The following MED12L variants were observed in gnomAD, a reference collection of about 807,000 sequenced individuals.
MED12L encodes mediator complex subunit 12L.
A neutral mutation model predicts 281.3 loss-of-function variants in MED12L; 60 were observed. The observed-to-expected ratio is 0.21, with a 90% CI of 0.17 to 0.26. The LOEUF is 0.26. Ranked by LOEUF, MED12L falls within the 10% of genes least tolerant of loss-of-function variation. The pLI, the probability that MED12L is intolerant of heterozygous loss-of-function variation, is 1.00. For missense variants in MED12L, 2,146 were observed against 2,680.9 expected (o/e 0.80, Z 4.41); for synonymous variants, 974 against 987.2 (o/e 0.99, Z 0.25).
intron 11 of MED12L, 150 bp downstream of exon 11, chr3:151,166,132 A>G (rs974134401): frequency 3.3e-6 from 2 of 614,204 alleles, no homozygotes; most frequent in Non-Finnish European, 5.3e-6. Flanking sequence ...TTGTTGGACT[A>G]AGATTACCTA....
At chr3:151,294,012 G>T (rs1744695200) in intron 16 of MED12L, 1 of 619,378 alleles carries the variant, frequency 1.6e-6, no homozygotes, top group Non-Finnish European at 2.9e-6. Context: ...TTATCTCTTT[G>T]CTATGCTTTA....
At chr3:151,111,450 G>T (rs1401590885) in intron 2 of MED12L, among the ~76,000 whole-genome samples, 1 of 152,134 alleles carries the variant, frequency 6.6e-6, no homozygotes, top group Non-Finnish European at 1.5e-5. Flanking sequence ...GCACAGCAAT[G>T]GTCCCAGAGC....
At chr3:151,093,948 C>A (rs573884008) in intron 2 of MED12L, among the ~76,000 whole-genome samples, 68 of 152,118 alleles carry the variant, frequency 4.5e-4, no homozygotes, top group Non-Finnish European at 7.5e-4. Flanking sequence ...GAAATGTGAT[C>A]CTTTAGGAGG....
intron 13 of MED12L, 121 bp from the exon 14 acceptor site, chr3:151,190,596 T>A (rs1193284247): frequency 1.1e-5 from 10 of 896,138 alleles, no homozygotes; most frequent in East Asian, 7.9e-5. Flanking sequence ...AATCTTCCAA[T>A]AGATCTTTTT....
intron 2 of MED12L, among the ~76,000 whole-genome samples, chr3:151,112,425 G>A (rs1290291062): frequency 6.6e-6 from 1 of 151,904 alleles, no homozygotes; most frequent in African/African-American, 2.4e-5. Context: ...AAAGTCTAAT[G>A]TGTCCATGAA....
intron 2 of MED12L, among the ~76,000 whole-genome samples, chr3:151,103,801 T>C (rs1279449816): frequency 6.6e-6 from 1 of 152,186 alleles, no homozygotes; most frequent in African/African-American, 2.4e-5. Context: ...TGTGCTCTCC[T>C]CAAAGATTTC....
chr3:151,406,115 C>G (rs1017661778), intron 39 of MED12L, among the ~76,000 whole-genome samples: 1 of 152,166 alleles, frequency 6.6e-6, no homozygotes. Context: ...TCACTTTGCC[C>G]TCTTGCCCTG....
At chr3:151,241,474 A>T (rs1033839716) in intron 16 of MED12L, among the ~76,000 whole-genome samples, 1 of 152,182 alleles carries the variant, frequency 6.6e-6, no homozygotes, top group African/African-American at 2.4e-5. Flanking sequence ...TTGAAGAAAC[A>T]CTAAAGGCAG....
chr3:151,086,157 A>G (rs1032754245), intron 1 of MED12L, among the ~76,000 whole-genome samples: 3 of 152,048 alleles, frequency 2.0e-5, no homozygotes, highest in Non-Finnish European at 4.4e-5. Context: ...GACCGCCAGC[A>G]GCGCGCCTCG....
chr3:151,126,590 G>A (rs1374598529), intron 4 of MED12L, among the ~76,000 whole-genome samples: 1 of 152,150 alleles, frequency 6.6e-6, no homozygotes, highest in Non-Finnish European at 1.5e-5. Context: ...AGAGAAAAAT[G>A]CCATGCTATA....
At chr3:151,303,500 C>G in intron 16 of MED12L, among the ~76,000 whole-genome samples, 1 of 152,278 alleles carries the variant, frequency 6.6e-6, no homozygotes, top group Middle Eastern at 3.4e-3. Flanking sequence ...TGGTGGCTCA[C>G]GCCTGTAATC....
chr3:151,387,604 A>C (rs1438466257), intron 36 of MED12L, among the ~76,000 whole-genome samples: 2 of 152,180 alleles, frequency 1.3e-5, no homozygotes, highest in Non-Finnish European at 2.9e-5. Flanking sequence ...ATGTGGTTAA[A>C]GAACTGTAGA....
chr3:151,183,286 G>C (rs925991601), intron 11 of MED12L, among the ~76,000 whole-genome samples: 3 of 152,198 alleles, frequency 2.0e-5, no homozygotes, highest in Non-Finnish European at 4.4e-5. Flanking sequence ...TGGATGTGCA[G>C]TGTATAGAGC....
At chr3:151,250,651 A>G (rs2149447145) in intron 16 of MED12L, among the ~76,000 whole-genome samples, 1 of 152,264 alleles carries the variant, frequency 6.6e-6, no homozygotes, top group East Asian at 1.9e-4. Context: ...TATATACCAC[A>G]TTTTGTTTAT....
chr3:151,095,015 T>A (rs888236215), intron 2 of MED12L, among the ~76,000 whole-genome samples: 8 of 152,208 alleles, frequency 5.3e-5, no homozygotes, highest in South Asian at 2.1e-4. Context: ...TGTTAGGTGA[T>A]CATTCCAGCT....
Position 151,385,053 on chromosome 3 carries a change from A to G in MED12L, c.4950A>G (p.Ser1650=), listed in dbSNP as rs1473043701. The G allele has an allele frequency of 1.3e-6, 2 of 1,589,260 alleles. No homozygotes were observed. The highest frequency in any genetic ancestry group is 1.7e-5 in the Admixed American group (1 of 59,572). ...KLKKELGDKR[S]ESIDKVRQLL... ...AGAAAGAGCTAGGAGACAAGCGATC[A>G]GAAAGTATTGACAAAGTTCGACAGT... Residue 1650 remains serine (S), a synonymous_variant, in exon 36 of 45, where the codon TCA becomes TCG. Transcript: ENST00000687756.
At chr3:151,142,817 CTT>C (rs1211588015) in intron 5 of MED12L, among the ~76,000 whole-genome samples, 4 of 140,038 alleles carry the variant, frequency 2.9e-5, no homozygotes, top group Admixed American at 7.2e-5. Context: ...AAATAGAAAG[CTT>C]TTTTTTTTTT....
intron 2 of MED12L, among the ~76,000 whole-genome samples, chr3:151,112,203 C>T (rs953289772): frequency 6.6e-6 from 1 of 152,022 alleles, no homozygotes; most frequent in Non-Finnish European, 1.5e-5. Context: ...ATACAGCACA[C>T]CTGTATCAGT....
intron 16 of MED12L, among the ~76,000 whole-genome samples, chr3:151,296,313 A>T (rs191816373): frequency 6.6e-6 from 1 of 152,298 alleles, no homozygotes; most frequent in Non-Finnish European, 1.5e-5. Flanking sequence ...CTTATGTGGC[A>T]GCCATGGACA....
Sources: gnomAD v4.1 joint callset for allele counts (sites outside exome capture counted in the v4.1 genomes callset) on GRCh38, gnomAD v4.1.1 for gene constraint, MANE v1.5 for transcripts, NCBI Gene and HGNC (gene_info 2026-07-23, HGNC 2026-07-21) for gene names.